The following LDLRAD4 variants were observed in gnomAD, a reference collection of about 807,000 sequenced individuals.
LDLRAD4 encodes the protein low density lipoprotein receptor class A domain containing 4.
In LDLRAD4, 5 loss-of-function variants were observed where a neutral mutation model predicts 17.0. The ratio of observed to expected loss-of-function variants is 0.29; its 90% CI spans 0.15 to 0.62. The LOEUF is 0.62. LDLRAD4 is among the 20% of genes least tolerant of loss of function. The pLI is 0.84. For missense variants in LDLRAD4, 340 were observed against 424.7 expected (o/e 0.80, Z 1.75); for synonymous variants, 168 against 171.8 (o/e 0.98, Z 0.17).
intron 1 of LDLRAD4, among the ~76,000 whole-genome samples, chr18:13,231,434 C>T (rs182605394): frequency 5.3e-5 from 8 of 152,250 alleles, no homozygotes; most frequent in African/African-American, 1.2e-4. Context: ...CCCGAGATCG[C>T]GTGAGTCTGG....
chr18:13,396,557 C>G (rs2086712884), intron 2 of LDLRAD4, among the ~76,000 whole-genome samples: 1 of 152,218 alleles, frequency 6.6e-6, no homozygotes, highest in Non-Finnish European at 1.5e-5. Flanking sequence ...CATCGTAGCT[C>G]ACTGCAGTCT....
intron 1 of LDLRAD4, among the ~76,000 whole-genome samples, chr18:13,226,117 C>T (rs1271894982): frequency 6.8e-6 from 1 of 146,106 alleles, no homozygotes; most frequent in South Asian, 2.2e-4. Context: ...ATTTCTCAGG[C>T]TTGTGGCATC....
At chr18:13,441,895 G>C (rs1292934632) in intron 3 of LDLRAD4, among the ~76,000 whole-genome samples, 1 of 152,156 alleles carries the variant, frequency 6.6e-6, no homozygotes, top group Non-Finnish European at 1.5e-5. Flanking sequence ...ATTCTGCTGA[G>C]AGACCAAAGG....
intron 1 of LDLRAD4, among the ~76,000 whole-genome samples, chr18:13,349,212 G>C (rs1204532290): frequency 6.6e-6 from 1 of 152,112 alleles, no homozygotes; most frequent in African/African-American, 2.4e-5. Flanking sequence ...GGCTATCTTG[G>C]CTCCCCAACA....
intron 2 of LDLRAD4, among the ~76,000 whole-genome samples, chr18:13,430,317 T>A (rs1349842659): frequency 6.6e-6 from 1 of 152,224 alleles, no homozygotes; most frequent in Non-Finnish European, 1.5e-5. Context: ...TCATGATTGA[T>A]GCTGCTTTCT....
chr18:13,612,031 C>G (rs572300573), intron 3 of LDLRAD4: 1 of 985,390 alleles, frequency 1.0e-6, no homozygotes, highest in Non-Finnish European at 1.2e-6. Flanking sequence ...GCGAGCCTAA[C>G]GTGAGCGTCC....
intron 3 of LDLRAD4, among the ~76,000 whole-genome samples, chr18:13,549,878 A>G (rs1314902893): frequency 6.6e-6 from 1 of 152,138 alleles, no homozygotes; most frequent in Non-Finnish European, 1.5e-5. Context: ...CTAGGTTCAA[A>G]TTCAGGCACC....
chr18:13,608,739 C>G (rs2095248492), intron 3 of LDLRAD4, among the ~76,000 whole-genome samples: 2 of 152,198 alleles, frequency 1.3e-5, no homozygotes, highest in African/African-American at 2.4e-5. Flanking sequence ...GCAGATGGAA[C>G]CTGAGACGAG....
At chr18:13,328,763 T>C (rs1024723332) in intron 1 of LDLRAD4, among the ~76,000 whole-genome samples, 7 of 152,230 alleles carry the variant, frequency 4.6e-5, no homozygotes, top group African/African-American at 1.7e-4. Flanking sequence ...TAAAAAGATG[T>C]TTATTGAAAA....
intron 2 of LDLRAD4, among the ~76,000 whole-genome samples, chr18:13,405,521 C>T (rs1467679615): frequency 6.6e-6 from 1 of 152,098 alleles, no homozygotes; most frequent in Non-Finnish European, 1.5e-5. Context: ...CTTCTGAGCT[C>T]AGGCCATCCT....
chr18:13,597,186 A>G (rs1286433108), intron 3 of LDLRAD4, among the ~76,000 whole-genome samples: 2 of 152,310 alleles, frequency 1.3e-5, no homozygotes, highest in African/African-American at 4.8e-5. Context: ...TGCTGGATAT[A>G]AAATTCTTGG....
At chr18:13,569,355 T>C (rs945806573) in intron 3 of LDLRAD4, among the ~76,000 whole-genome samples, 5 of 152,238 alleles carry the variant, frequency 3.3e-5, no homozygotes, top group Non-Finnish European at 7.3e-5. Flanking sequence ...TGTACTCTTG[T>C]CTCTATAGAA....
chr18:13,525,330 A>G (rs1161956156), intron 3 of LDLRAD4, among the ~76,000 whole-genome samples: 1 of 152,210 alleles, frequency 6.6e-6, no homozygotes, highest in Admixed American at 6.5e-5. Flanking sequence ...CCTGGCACAC[A>G]GTGAGCATCA....
In LDLRAD4 at chr18:13,398,244, A is replaced by G. The variant is rs542490058; in HGVS notation, c.40+10482A>G. On this transcript the variant is annotated intron_variant, in intron 2 of 5. Transcript: ENST00000359446. This position sits in a 1 kb window ranked among gnomAD's most constrained non-coding sequence, Gnocchi z 4.8. The stretch of plus-strand genomic sequence containing the variant: ...ATTTGATGGGGTTGTCTGTGTTCTA[A>G]GTTGGAAAATACAAACTTTTCCATG... Among the ~76,000 whole-genome samples, 10 of 152,306 alleles carry G rather than the reference A, an allele frequency of 6.6e-5. No homozygotes were observed. The South Asian group carries it at 8.3e-4, about 13-fold the overall frequency.
chr18:13,475,633 G>A (rs976131551), intron 3 of LDLRAD4, among the ~76,000 whole-genome samples: 9 of 151,990 alleles, frequency 5.9e-5, no homozygotes, highest in Middle Eastern at 3.2e-3. Context: ...TGGTGCACAC[G>A]GACTCCCATT....
intron 3 of LDLRAD4, among the ~76,000 whole-genome samples, chr18:13,473,444 A>G (rs1600632838): frequency 1.3e-5 from 2 of 152,002 alleles, no homozygotes; most frequent in African/African-American, 4.8e-5. Flanking sequence ...CTGAGGCAGG[A>G]TGATAGCTTA....
chr18:13,645,704 A>G lies in LDLRAD4; in HGVS notation c.*47A>G, dbSNP rs757269665. 1.4e-6 allele frequency: 2 copies of G among 1,446,428 alleles called. No individual in the cohort carries two copies. Among genetic ancestry groups the G allele is most frequent in the Non-Finnish European group, 9.3e-7 (1 of 1,079,532 alleles). 89.6% of individuals were successfully genotyped at this position (1,446,428 alleles called of 1,614,324 possible). On this transcript the variant is annotated 3_prime_UTR_variant, in exon 6 of 6. Coordinates refer to ENST00000359446, the Ensembl canonical transcript of LDLRAD4. The surrounding 1 kb of genome is among the most constrained non-coding windows in gnomAD (Gnocchi z 5.7). ...GCTGGAGAAAGAAACCAAGAAGGGA[A>G]GCGGCCGCTGGGCCCCTCCTGCGCA...
At position 13,342,303 on chromosome 18, in the gene LDLRAD4, G is replaced by T. The variant is rs573959343; in HGVS notation, c.-382-45038G>T. Among the ~76,000 whole-genome samples the T allele has an allele frequency of 2.6e-5, 4 of 152,020 alleles. No individual in the cohort carries two copies. In the South Asian group the frequency reaches 6.2e-4, roughly 24 times the overall value. On this transcript the variant is annotated intron_variant, in intron 1 of 5. Transcript: ENST00000359446. Reference sequence around the variant, plus strand: ...TCAGTTTTTCAGAAGAGTTTGAGAAGAATTATGTTAATCCTTCTTAAATGT... The same window carrying T: ...TCAGTTTTTCAGAAGAGTTTGAGAATAATTATGTTAATCCTTCTTAAATGT...
chr18:13,282,863 C>G (rs1394851144), intron 1 of LDLRAD4, among the ~76,000 whole-genome samples: 2 of 152,236 alleles, frequency 1.3e-5, no homozygotes, highest in African/African-American at 4.8e-5. Flanking sequence ...CAAACTTTTG[C>G]CTGGGCATCT....
Sources: gnomAD v4.1 joint callset for allele counts (sites outside exome capture counted in the v4.1 genomes callset) on GRCh38, gnomAD v4.1.1 for gene constraint, Gnocchi (gnomAD v3.1) non-coding constraint, MANE v1.5 for transcripts, NCBI Gene and HGNC (gene_info 2026-07-23, HGNC 2026-07-21) for gene names.